The following PLCB4 variants were observed in gnomAD, a reference collection of about 807,000 sequenced individuals.
PLCB4 encodes 1-phosphatidylinositol 4,5-bisphosphate phosphodiesterase beta-4.
In PLCB4, 77 loss-of-function variants were observed where a neutral mutation model predicts 178.8. The observed-to-expected ratio is 0.43, with a 90% CI of 0.36 to 0.52. PLCB4 has a LOEUF of 0.52. Among genes scored for constraint, PLCB4 ranks in the 20% least tolerant of loss-of-function variants. The probability of loss-of-function intolerance (pLI) is 0.00; values close to 1 mark genes in which losing one functional copy is unlikely to be tolerated. For synonymous variants in PLCB4, 496 were observed against 490.8 expected (o/e 1.01, Z -0.14); for missense variants, 1,024 against 1,453.4 (o/e 0.70, Z 4.80).
chr20:9,131,964 G>A (rs879936486), intron 2 of PLCB4, among the ~76,000 whole-genome samples: 4 of 152,094 alleles, frequency 2.6e-5, no homozygotes, highest in African/African-American at 4.8e-5. Context: ...ATGAGAGGCC[G>A]TCTCGCATGT....
intron 20 of PLCB4, among the ~76,000 whole-genome samples, chr20:9,404,218 G>A (rs763467037): frequency 1.3e-4 from 20 of 152,182 alleles, no homozygotes; most frequent in Non-Finnish European, 2.5e-4. Context: ...TGGGATTGCT[G>A]TGGTGCAAAG....
rs1205167204 is a variant in PLCB4 at position 9,480,787 on chromosome 20, A to G, written c.*1778A>G. ...CATGAAAAATTATGGTTAATAAAAT[A>G]TCACCACATTTGGATTGCCAATTTT... On this transcript the variant is annotated 3_prime_UTR_variant, in exon 40 of 40. Transcript: ENST00000378473. 2 of 152,192 alleles carry G rather than the reference A, an allele frequency of 1.3e-5. No individual in the cohort carries two copies. Among genetic ancestry groups the G allele is most frequent in the East Asian group, 3.9e-4 (2 of 5,190 alleles). 9.4% of individuals were successfully genotyped at this position (152,192 alleles called of 1,614,324 possible).
At chr20:9,354,497 A>G (rs2034614685) in intron 7 of PLCB4, among the ~76,000 whole-genome samples, 1 of 152,196 alleles carries the variant, frequency 6.6e-6, no homozygotes, top group South Asian at 2.1e-4. Context: ...AATGCAGATT[A>G]CTGGGCCCTG....
intron 28 of PLCB4, among the ~76,000 whole-genome samples, chr20:9,431,646 GTGTT>G (rs1006619517): frequency 1.6e-5 from 2 of 125,442 alleles, no homozygotes; most frequent in East Asian, 2.7e-4. Context: ...GTGTGTGTGT[GTGTT>G]TGTGTGTGTG....
intron 1 of PLCB4, among the ~76,000 whole-genome samples, chr20:9,094,856 T>G (rs1038158874): frequency 1.3e-4 from 20 of 152,228 alleles, no homozygotes; most frequent in African/African-American, 4.8e-4. Flanking sequence ...CGTGGCTTTC[T>G]TAGCTATCTT....
chr20:9,470,681 T>G (rs534819780), intron 36 of PLCB4, among the ~76,000 whole-genome samples: 32 of 152,232 alleles, frequency 2.1e-4, no homozygotes, highest in Non-Finnish European at 4.1e-4. Context: ...CTGTACTTAT[T>G]TGTTGTAACT....
intron 17 of PLCB4, among the ~76,000 whole-genome samples, chr20:9,390,852 G>A (rs7267438): frequency 0.27 from 41,587 of 152,040 alleles, 8,430 homozygotes; most frequent in African/African-American, 0.58. Flanking sequence ...CAGTCTTAAA[G>A]TTTCATAAAG....
At chr20:9,110,298 T>A (rs2146685838) in intron 2 of PLCB4, among the ~76,000 whole-genome samples, 1 of 152,288 alleles carries the variant, frequency 6.6e-6, no homozygotes, top group Middle Eastern at 3.4e-3. Flanking sequence ...TTAGCATTTA[T>A]TTCAATGAAA....
chr20:9,152,828 A>G (rs1051541166), intron 2 of PLCB4, among the ~76,000 whole-genome samples: 2 of 152,046 alleles, frequency 1.3e-5, no homozygotes, highest in African/African-American at 4.8e-5. Context: ...ACAAACACTC[A>G]ATGCCAGCCC....
intron 39 of PLCB4, 141 bp downstream of exon 39, chr20:9,476,894 T>C (rs1435435739): frequency 4.9e-6 from 3 of 607,758 alleles, no homozygotes; most frequent in Non-Finnish European, 8.8e-6. Context: ...GACTATTCCA[T>C]GCTTGGATTT....
chr20:9,341,336 A>G (rs900167966), intron 7 of PLCB4, among the ~76,000 whole-genome samples: 8 of 152,086 alleles, frequency 5.3e-5, no homozygotes, highest in African/African-American at 1.4e-4. Flanking sequence ...CTCCCCCAAA[A>G]CTTAATAGCC....
intron 7 of PLCB4, among the ~76,000 whole-genome samples, chr20:9,358,270 C>A (rs1025073957): frequency 2.0e-5 from 3 of 152,180 alleles, no homozygotes; most frequent in African/African-American, 7.2e-5. Flanking sequence ...TAATAACAAG[C>A]CTCTAGTTAA....
intron 1 of PLCB4, among the ~76,000 whole-genome samples, chr20:9,077,001 C>T (rs1172172874): frequency 1.3e-5 from 2 of 152,082 alleles, no homozygotes; most frequent in Non-Finnish European, 2.9e-5. Context: ...CTCCTTTTTT[C>T]TGTACATTTA....
intron 2 of PLCB4, among the ~76,000 whole-genome samples, chr20:9,206,299 C>CTTTTT (rs71184138): frequency 8.5e-4 from 82 of 96,016 alleles, no homozygotes; most frequent in Non-Finnish European, 1.0e-3. Context: ...TTTCTTTTTT[C>CTTTTT]TTTTTTTTTT....
At chr20:9,401,694 C>T in intron 20 of PLCB4, 104 bp downstream of exon 20, 1 of 733,104 alleles carries the variant, frequency 1.4e-6, no homozygotes. Context: ...CTATAATTCC[C>T]CTTCTAAATT....
In PLCB4 at chr20:9,225,458, C is replaced by T. The variant is rs976161566; in HGVS notation, c.-16+8006C>T. Among the ~76,000 whole-genome samples, 15 of 152,222 alleles carry T rather than the reference C, an allele frequency of 9.9e-5. No homozygotes were observed. In the East Asian group the frequency reaches 2.7e-3, roughly 27 times the overall value. Reference sequence around the variant, plus strand: ...AGGGACCTGGAAAAGATGTAACAGTCGAGTCTAGAAAAATAGTCTAAAATT... The same window carrying T: ...AGGGACCTGGAAAAGATGTAACAGTTGAGTCTAGAAAAATAGTCTAAAATT... On this transcript the variant is annotated intron_variant, in intron 3 of 39. Coordinates refer to ENST00000378473, the MANE Select transcript of PLCB4 (RefSeq NM_001377142.1).
At chr20:9,096,231 A>T (rs907738597) in intron 1 of PLCB4, 56 bp from the exon 2 acceptor site, 2 of 152,214 alleles carry the variant, frequency 1.3e-5, no homozygotes, top group Non-Finnish European at 2.9e-5. Flanking sequence ...TTAAAAATTC[A>T]CATTTGCTAT....
intron 1 of PLCB4, among the ~76,000 whole-genome samples, chr20:9,090,537 A>G (rs190784244): frequency 6.9e-6 from 1 of 144,218 alleles, no homozygotes; most frequent in African/African-American, 2.6e-5. Context: ...TCAAATGGGT[A>G]TTAGATAGCT....
rs60982044 is a variant in PLCB4, at chr20:9,450,658, CTTTTTTTTT to C, written c.2881-2677_2881-2669del. ...ACTCAGTTTTCTTTTCTTTTCTTTT[CTTTTTTTTT>C]TTTTTTTTTTTGAGATGGAGTCTTG... On this transcript the variant is annotated intron_variant, in intron 32 of 39. Coordinates refer to ENST00000378473, the MANE Select transcript of PLCB4 (RefSeq NM_001377142.1). Among the ~76,000 whole-genome samples, 949 of 100,270 alleles carry C rather than the reference CTTTTTTTTT, an allele frequency of 9.5e-3. 16 individuals carry two copies. The highest frequency in any genetic ancestry group is 0.032 in the African/African-American group (897 of 27,750). 65.8% of individuals were successfully genotyped at this position (100,270 alleles called of 152,430 possible).
Sources: gnomAD v4.1 joint callset for allele counts (sites outside exome capture counted in the v4.1 genomes callset) on GRCh38, gnomAD v4.1.1 for gene constraint, MANE v1.5 for transcripts, NCBI Gene and HGNC (gene_info 2026-07-23, HGNC 2026-07-21) for gene names.